Variants in RPS6KA5 observed in about 807,000 individuals in gnomAD.
RPS6KA5 encodes ribosomal protein S6 kinase A5.
Under a neutral mutation model 85.5 loss-of-function variants are expected in RPS6KA5, and 27 were observed. The observed-to-expected ratio is 0.32, with a 90% CI of 0.23 to 0.44. The LOEUF (loss-of-function observed/expected upper bound fraction) is 0.44, where lower values mean the gene tolerates loss of function less well. Ranked by LOEUF, RPS6KA5 falls within the 20% of genes least tolerant of loss-of-function variation. The pLI is 1.00. For missense variants in RPS6KA5, 811 were observed against 980.9 expected (o/e 0.83, Z 2.31); for synonymous variants, 334 against 348.2 (o/e 0.96, Z 0.46).
At chr14:90,944,642 C>A (rs1225214409) in intron 4 of RPS6KA5, among the ~76,000 whole-genome samples, 2 of 151,960 alleles carry the variant, frequency 1.3e-5, no homozygotes, top group Non-Finnish European at 2.9e-5. Context: ...GTAATCCCAG[C>A]TACTCGGGAG....
At chr14:91,017,355 A>T (rs2041548005) in intron 1 of RPS6KA5, among the ~76,000 whole-genome samples, 1 of 152,204 alleles carries the variant, frequency 6.6e-6, no homozygotes, top group Non-Finnish European at 1.5e-5. Context: ...ACTACCATCC[A>T]TGGTATTACA....
At position 90,890,531 on chromosome 14, in the gene RPS6KA5, C is replaced by T. The variant is rs765581206; in HGVS notation, c.1792G>A (p.Gly598Ser). The T allele has an allele frequency of 6.8e-6, 11 of 1,614,078 alleles. No individual in the cohort carries two copies. The highest frequency in any genetic ancestry group is 8.5e-6 in the Non-Finnish European group (10 of 1,179,996). Reference protein sequence around the residue: ...YAAPELLNQNGYDESCDLWSL... With the variant: ...YAAPELLNQNSYDESCDLWSL... Reference sequence around the variant, plus strand: ...CACAGGTCACAGGACTCATCGTAGCCGTTCTGATTCAAGAGCTCTGGGGCG... The same window carrying T: ...CACAGGTCACAGGACTCATCGTAGCTGTTCTGATTCAAGAGCTCTGGGGCG... The change falls in exon 14 of 17, where the codon GGC becomes AGC. Residue 598 changes from glycine to serine, a missense_variant. By Grantham distance (56) the Gly-to-Ser change is moderately conservative. Around this residue, in one of 3 missense-constraint regions of RPS6KA5, gnomAD observed 650 missense variants for 793.4 expected, o/e 0.82. Coordinates refer to ENST00000614987, the MANE Select transcript of RPS6KA5 (RefSeq NM_004755.4).
Position 90,861,287 on chromosome 14 carries a change from C to G in RPS6KA5, c.*10787G>C, listed in dbSNP as rs2032534705. ...CCTGTAATCCCAGCACTTTGGGAGGCCGAGGCGGGCGGATCACGAGGTCAG... is the reference window on the plus strand; with the variant it reads ...CCTGTAATCCCAGCACTTTGGGAGGGCGAGGCGGGCGGATCACGAGGTCAG... On this transcript the variant is annotated 3_prime_UTR_variant, in exon 17 of 17. Coordinates refer to ENST00000614987, the MANE Select transcript of RPS6KA5 (RefSeq NM_004755.4). The G allele has an allele frequency of 6.7e-6, 1 of 150,000 alleles. No homozygotes were observed. Among genetic ancestry groups the G allele is most frequent in the African/African-American group, 2.4e-5 (1 of 41,062 alleles). 9.3% of individuals were successfully genotyped at this position (150,000 alleles called of 1,614,324 possible).
chr14:90,899,921 G>T (rs1595160649), intron 11 of RPS6KA5, among the ~76,000 whole-genome samples, 187 bp downstream of exon 11: 1 of 152,106 alleles, frequency 6.6e-6, no homozygotes, highest in South Asian at 2.1e-4. Context: ...TGTCTAAAAT[G>T]GATTACTTTA....
intron 2 of RPS6KA5, among the ~76,000 whole-genome samples, chr14:90,995,639 A>C (rs1455081362): frequency 6.6e-6 from 1 of 152,120 alleles, no homozygotes; most frequent in Non-Finnish European, 1.5e-5. Flanking sequence ...TTGCTTCTCT[A>C]AATTCCTGCT....
At chr14:90,881,097 G>C (rs1308220135) in intron 14 of RPS6KA5, among the ~76,000 whole-genome samples, 1 of 151,870 alleles carries the variant, frequency 6.6e-6, no homozygotes, top group African/African-American at 2.4e-5. Flanking sequence ...AGCCTCCAAA[G>C]TGCCGGGATT....
At chr14:91,015,920 C>T (rs1189346918) in intron 1 of RPS6KA5, among the ~76,000 whole-genome samples, 1 of 152,214 alleles carries the variant, frequency 6.6e-6, no homozygotes, top group African/African-American at 2.4e-5. Flanking sequence ...AGCCTTCATT[C>T]AGCTTTCCTT....
intron 3 of RPS6KA5, among the ~76,000 whole-genome samples, chr14:90,965,237 C>G (rs1219466896): frequency 6.6e-6 from 1 of 151,834 alleles, no homozygotes; most frequent in Non-Finnish European, 1.5e-5. Context: ...ATACAAAAAT[C>G]AGCTGGGCGT....
chr14:90,875,414 C>A (rs1312174733), intron 14 of RPS6KA5, 54 bp from the exon 15 acceptor site: 1 of 1,500,378 alleles, frequency 6.7e-7, no homozygotes. Flanking sequence ...GTTAAAGCCA[C>A]TCTAATAATC....
At chr14:90,948,920 T>C (rs1160345620) in intron 3 of RPS6KA5, among the ~76,000 whole-genome samples, 1 of 152,226 alleles carries the variant, frequency 6.6e-6, no homozygotes, top group Non-Finnish European at 1.5e-5. Context: ...CTCACAAATT[T>C]TTCTTTTACT....
At chr14:90,977,992 T>C (rs1386996099) in intron 3 of RPS6KA5, among the ~76,000 whole-genome samples, 1 of 151,774 alleles carries the variant, frequency 6.6e-6, no homozygotes, top group Admixed American at 6.6e-5. Context: ...GAGGCGGAGG[T>C]TGCAATGAGC....
chr14:90,946,207 GA>G (rs1411485016), intron 4 of RPS6KA5, among the ~76,000 whole-genome samples: 15 of 152,048 alleles, frequency 9.9e-5, no homozygotes, highest in African/African-American at 3.6e-4. Flanking sequence ...TCCATGAAAA[GA>G]AGTCCAAGTG....
At chr14:90,910,688 T>A (rs2401951) in intron 7 of RPS6KA5, among the ~76,000 whole-genome samples, 117,581 of 139,638 alleles carry the variant, frequency 0.84, 48,977 homozygotes, top group East Asian at 0.97. Context: ...TATTATTATT[T>A]TTTTTTTTTT....
chr14:90,901,359 T>C (rs2035159351), intron 9 of RPS6KA5, among the ~76,000 whole-genome samples: 1 of 152,184 alleles, frequency 6.6e-6, no homozygotes, highest in African/African-American at 2.4e-5. Context: ...ATTAAAGGCC[T>C]GAGCCACCAG....
chr14:90,983,938 G>T lies in RPS6KA5; in HGVS notation c.176-5414C>A, dbSNP rs565863895. Among the ~76,000 whole-genome samples, 8 of 151,832 alleles carry T rather than the reference G, an allele frequency of 5.3e-5. No individual in the cohort carries two copies. In the East Asian group the frequency reaches 1.4e-3, roughly 26 times the overall value. On this transcript the variant is annotated intron_variant, in intron 2 of 16. Transcript: ENST00000614987. ...TGGCTCACTGCAACCTCTCCCTTTT[G>T]GGTTCAAGCGATTCTCCCATCCCAG...
intron 1 of RPS6KA5, among the ~76,000 whole-genome samples, chr14:91,047,886 A>C (rs994523922): frequency 6.6e-6 from 1 of 152,088 alleles, no homozygotes; most frequent in African/African-American, 2.4e-5. Flanking sequence ...CTGTTTCCTC[A>C]TATCTCCTCC....
intron 3 of RPS6KA5, among the ~76,000 whole-genome samples, chr14:90,955,760 T>C (rs1010108886): frequency 6.6e-6 from 1 of 152,220 alleles, no homozygotes; most frequent in African/African-American, 2.4e-5. Context: ...TGGTTTATTG[T>C]GTTGTTTGGG....
At chr14:90,967,057 A>C (rs2039099708) in intron 3 of RPS6KA5, among the ~76,000 whole-genome samples, 1 of 152,288 alleles carries the variant, frequency 6.6e-6, no homozygotes, top group African/African-American at 2.4e-5. Context: ...GGTAGGGCTA[A>C]CTCTAATACA....
At chr14:90,894,025 CAAATGTAAA>C (rs2034697609) in intron 13 of RPS6KA5, 1 of 908,970 alleles carries the variant, frequency 1.1e-6, no homozygotes, top group Non-Finnish European at 1.3e-6. Context: ...AATTTGATTA[CAAATGTAAA>C]AAATAAGTTT....
Sources: gnomAD v4.1 joint callset for allele counts (sites outside exome capture counted in the v4.1 genomes callset) on GRCh38, gnomAD v4.1.1 for gene constraint, gnomAD v4.1.1 regional missense constraint, MANE v1.5 for transcripts, NCBI Gene and HGNC (gene_info 2026-07-23, HGNC 2026-07-21) for gene names.